VPS13B: variants seen among roughly 807,000 people sequenced by gnomAD.
VPS13B encodes the protein vacuolar protein sorting 13 homolog B, also known as intermembrane lipid transfer protein VPS13B.
VPS13B carries 285 observed loss-of-function variants against 426.4 expected under a neutral mutation model. That is an observed-to-expected ratio of 0.67 (90% CI 0.61 to 0.74). The LOEUF (loss-of-function observed/expected upper bound fraction) is 0.74, where lower values mean the gene tolerates loss of function less well. Among genes scored for constraint, VPS13B ranks in the 30% least tolerant of loss-of-function variants. The probability of loss-of-function intolerance (pLI) is 0.00; values close to 1 mark genes in which losing one functional copy is unlikely to be tolerated. For missense variants in VPS13B, 4,537 were observed against 4,782.6 expected, an observed-to-expected ratio of 0.95 and a Z score of 1.51; for synonymous variants, 1,676 against 1,676.4, an observed-to-expected ratio of 1.00 and a Z score of 0.01.
chr8:99,313,454 G>T (rs917458881), intron 19 of VPS13B, among the ~76,000 whole-genome samples: 3 of 152,140 alleles, frequency 2.0e-5, no homozygotes, highest in African/African-American at 7.2e-5. Context: ...GTTTGCCTGG[G>T]TATCAGCAGC....
At chr8:99,177,489 A>T (rs1045303897) in intron 16 of VPS13B, among the ~76,000 whole-genome samples, 4 of 152,220 alleles carry the variant, frequency 2.6e-5, no homozygotes, top group Admixed American at 6.5e-5. Context: ...ATGTATCTTT[A>T]TATTAGATTT....
At chr8:99,508,125 A>G (rs928287922) in intron 28 of VPS13B, among the ~76,000 whole-genome samples, 3 of 152,230 alleles carry the variant, frequency 2.0e-5, no homozygotes, top group African/African-American at 7.2e-5. Flanking sequence ...ATTTTACCTC[A>G]ATATAAGGAA....
rs186921678 is a variant in VPS13B, at chr8:99,370,010, T to G, written c.2825-14198T>G. On this transcript the variant is annotated intron_variant, in intron 19 of 61. Transcript: ENST00000357162. Reference sequence around the variant, plus strand: ...AGTACTATTTGGAGTATTCTTTGATTTGAAGCATACTTTACAATAACTACT... The same window carrying G: ...AGTACTATTTGGAGTATTCTTTGATGTGAAGCATACTTTACAATAACTACT... 2.7e-3 allele frequency among the ~76,000 whole-genome samples: 404 copies of G among 152,328 alleles called. 1 individual carries two copies. The highest frequency in any genetic ancestry group is 9.2e-3 in the African/African-American group (382 of 41,576).
chr8:99,479,255 T>A (rs1241172110), intron 24 of VPS13B, among the ~76,000 whole-genome samples: 1 of 152,158 alleles, frequency 6.6e-6, no homozygotes, highest in Admixed American at 6.5e-5. Flanking sequence ...TCTCAGCCTC[T>A]CCAGTGAAAT....
intron 13 of VPS13B, among the ~76,000 whole-genome samples, chr8:99,146,336 A>G (rs1051456458): frequency 3.3e-5 from 5 of 152,240 alleles, no homozygotes; most frequent in African/African-American, 1.2e-4. Flanking sequence ...AAATCAATTG[A>G]GCATATTTGT....
At chr8:99,118,225 A>C (rs1847767701) in intron 7 of VPS13B, among the ~76,000 whole-genome samples, 1 of 152,148 alleles carries the variant, frequency 6.6e-6, no homozygotes, top group Non-Finnish European at 1.5e-5. Flanking sequence ...TCTTCTATTG[A>C]TATTCTGTTA....
intron 17 of VPS13B, among the ~76,000 whole-genome samples, chr8:99,251,832 T>A (rs916785200): frequency 6.6e-6 from 1 of 151,996 alleles, no homozygotes; most frequent in Non-Finnish European, 1.5e-5. Context: ...CCTTGAAGAA[T>A]TGATTCATCT....
chr8:99,264,510 T>C (rs533856782), intron 17 of VPS13B, among the ~76,000 whole-genome samples: 1 of 152,238 alleles, frequency 6.6e-6, no homozygotes, highest in African/African-American at 2.4e-5. Flanking sequence ...ATTTTTAGGG[T>C]GGGAGTGATT....
intron 42 of VPS13B, among the ~76,000 whole-genome samples, chr8:99,782,120 T>C (rs1222644321): frequency 6.6e-6 from 1 of 152,216 alleles, no homozygotes; most frequent in Non-Finnish European, 1.5e-5. Flanking sequence ...TAGTTATTGC[T>C]GAGTTTAAAA....
intron 3 of VPS13B, among the ~76,000 whole-genome samples, chr8:99,068,470 A>T (rs77313675): frequency 0.049 from 7,484 of 152,242 alleles, 212 homozygotes; most frequent in African/African-American, 0.071. Flanking sequence ...GTTTTTTGGA[A>T]CACATCCACT....
At position 99,672,366 on chromosome 8, in the gene VPS13B, A is replaced by AT. The variant is rs561140925; in HGVS notation, c.6046+10882dup. Among the ~76,000 whole-genome samples the AT allele has an allele frequency of 1.1e-4, 17 of 152,122 alleles. No homozygotes were observed. The South Asian group carries it at 3.1e-3, about 28-fold the overall frequency. On this transcript the variant is annotated intron_variant, in intron 35 of 61. Transcript: ENST00000357162. ...TAAATGTATTCCTAAGTATTTAATA[A>AT]TTTTTTTAGCTATTATGAAATGAGA...
rs367725346 is a variant in VPS13B at position 99,594,247 on chromosome 8, G to A, written c.5220+16614G>A. On this transcript the variant is annotated intron_variant, in intron 33 of 61. Transcript: ENST00000357162. ...AACTTGAGCTTTGTTGTTGGAGTCCGGCAATAAATCCCATCTCCTGTGTTT... is the reference window on the plus strand; with the variant it reads ...AACTTGAGCTTTGTTGTTGGAGTCCAGCAATAAATCCCATCTCCTGTGTTT... Among the ~76,000 whole-genome samples, 11 of 151,880 alleles carry A rather than the reference G, an allele frequency of 7.2e-5. 2 individuals are homozygous for A. Among genetic ancestry groups the A allele is most frequent in the African/African-American group, 2.7e-4 (11 of 41,430 alleles).
At chr8:99,165,547 A>G (rs1043269462) in intron 15 of VPS13B, among the ~76,000 whole-genome samples, 1 of 152,236 alleles carries the variant, frequency 6.6e-6, no homozygotes, top group Non-Finnish European at 1.5e-5. Flanking sequence ...ATCAGCTGCA[A>G]TACATACTTC....
intron 17 of VPS13B, among the ~76,000 whole-genome samples, chr8:99,195,319 G>T (rs532610877): frequency 3.9e-5 from 6 of 152,220 alleles, no homozygotes; most frequent in Non-Finnish European, 8.8e-5. Flanking sequence ...TTGGCCATTT[G>T]TATGAACCAT....
rs148175220 is a variant in VPS13B at position 99,098,286 on chromosome 8, G to A, written c.412+1854G>A. 4.5e-4 allele frequency among the ~76,000 whole-genome samples: 68 copies of A among 152,152 alleles called. 1 individual carries two copies. The highest frequency in any genetic ancestry group is 1.5e-3 in the African/African-American group (64 of 41,532). On this transcript the variant is annotated intron_variant, in intron 4 of 61. Coordinates refer to ENST00000357162, the MANE Select transcript of VPS13B (RefSeq NM_152564.5). ...TGGAGTGTTTACTTTATCTTATCCAGAACTGAAACCGGTTAACATTGTGGT... is the reference window on the plus strand; with the variant it reads ...TGGAGTGTTTACTTTATCTTATCCAAAACTGAAACCGGTTAACATTGTGGT...
At chr8:99,201,421 C>G (rs1300884836) in intron 17 of VPS13B, among the ~76,000 whole-genome samples, 1 of 152,070 alleles carries the variant, frequency 6.6e-6, no homozygotes, top group African/African-American at 2.4e-5. Flanking sequence ...GACTAATGTG[C>G]CACCAAAAGC....
intron 33 of VPS13B, among the ~76,000 whole-genome samples, chr8:99,580,086 T>C (rs960872805): frequency 6.6e-6 from 1 of 151,938 alleles, no homozygotes; most frequent in African/African-American, 2.4e-5. Context: ...GAGGAAGATA[T>C]ACATGTTAGT....
intron 15 of VPS13B, among the ~76,000 whole-genome samples, chr8:99,163,624 C>G (rs1489784368): frequency 6.6e-6 from 1 of 152,234 alleles, no homozygotes; most frequent in East Asian, 1.9e-4. Flanking sequence ...AGTACACCCT[C>G]GGCAGCCACT....
At chr8:99,540,270 G>A (rs1823543055) in intron 30 of VPS13B, among the ~76,000 whole-genome samples, 1 of 149,766 alleles carries the variant, frequency 6.7e-6, no homozygotes, top group Admixed American at 6.7e-5. Flanking sequence ...TAGTAGAGAT[G>A]GGGTTTCACC....
Sources: allele counts gnomAD v4.1 joint callset (sites outside exome capture counted in the v4.1 genomes callset), GRCh38; gene constraint gnomAD v4.1.1; transcripts MANE v1.5; gene names NCBI Gene and HGNC (gene_info 2026-07-23, HGNC 2026-07-21).